Variants in NUP155 observed in about 807,000 individuals in gnomAD.
The protein encoded by NUP155 is nucleoporin 155.
A neutral mutation model predicts 180.4 loss-of-function variants in NUP155; 71 were observed. The ratio of observed to expected loss-of-function variants is 0.39; its 90% confidence interval spans 0.33 to 0.48. The LOEUF (loss-of-function observed/expected upper bound fraction) is 0.48, where lower values mean the gene tolerates loss of function less well. NUP155 is among the 20% of genes least tolerant of loss of function. The probability of loss-of-function intolerance (pLI) is 0.91; values close to 1 mark genes in which losing one functional copy is unlikely to be tolerated. For synonymous variants in NUP155, 582 were observed against 559.5 expected, an observed-to-expected ratio of 1.04 and a Z score of -0.57; for missense variants, 1,553 against 1,648.9, an observed-to-expected ratio of 0.94 and a Z score of 1.01.
chr5:37,348,352 C>G (rs889676881), intron 9 of NUP155, among the ~76,000 whole-genome samples, 153 bp downstream of exon 9: 5 of 152,052 alleles, frequency 3.3e-5, no homozygotes, highest in African/African-American at 1.2e-4. Flanking sequence ...CTAACAGCTC[C>G]ATTTCAAACA....
intron 20 of NUP155, among the ~76,000 whole-genome samples, chr5:37,322,248 A>G (rs1315997829): frequency 6.6e-6 from 1 of 152,092 alleles, no homozygotes; most frequent in Non-Finnish European, 1.5e-5. Context: ...TGGCTTTCCA[A>G]AGTGTTGGGA....
chr5:37,327,046 T>G (rs1744643056), intron 18 of NUP155: 1 of 153,400 alleles, frequency 6.5e-6, no homozygotes, highest in Admixed American at 6.6e-5. Flanking sequence ...AGTAAATATA[T>G]TTTCTCTTCC....
rs780476180 is a variant in NUP155, at chr5:37,310,577, C to G, written c.2603G>C (p.Ser868Thr). 24 of 1,613,112 alleles carry G rather than the reference C, an allele frequency of 1.5e-5. No homozygotes were observed. The South Asian group carries it at 2.5e-4, about 17-fold the overall frequency. The change falls in exon 23 of 35, where the codon AGC (serine) becomes ACC (threonine). Residue 868 changes from serine to threonine, a missense_variant. By Grantham distance (58) the Ser-to-Thr change is moderately conservative. Transcript: ENST00000231498. The stretch of plus-strand genomic sequence containing the variant: ...CTTAGAACAAATTGCATCATCAGTG[C>G]TATATAGAAGTGGGCAGATATCCTG... Reference protein sequence around the residue: ...HLQDICPLLYSTDDAICSKAN... With the variant: ...HLQDICPLLYTTDDAICSKAN...
At chr5:37,294,997 T>C (rs1194327801) in intron 32 of NUP155, among the ~76,000 whole-genome samples, 1 of 152,166 alleles carries the variant, frequency 6.6e-6, no homozygotes, top group Non-Finnish European at 1.5e-5. Flanking sequence ...AGGACTTCAC[T>C]GATAATTTTT....
Position 37,358,114 on chromosome 5 carries a change from T to A in NUP155, c.430A>T (p.Ile144Phe). ...GGCTTCACAAGCCCCACAGCAAGAATAGTCTCACTAAGTCCATCAAAATAG... is the reference window on the plus strand; with the variant it reads ...GGCTTCACAAGCCCCACAGCAAGAAAAGTCTCACTAAGTCCATCAAAATAG... ...LAYFDGLSET[I>F]LAVGLVKPKA... The change falls in exon 4 of 35, where the codon ATT (isoleucine) becomes TTT (phenylalanine). Residue 144 changes from isoleucine to phenylalanine, a missense_variant. Ile to Phe is a conservative substitution (Grantham distance 21, BLOSUM62 0). Transcript: ENST00000231498. 6.2e-7 allele frequency: 1 copy of A among 1,613,426 alleles called. No individual in the cohort carries two copies. The highest frequency in any genetic ancestry group is 8.5e-7 in the Non-Finnish European group (1 of 1,179,334).
chr5:37,341,512 C>T (rs1745720042), intron 10 of NUP155, among the ~76,000 whole-genome samples: 1 of 152,068 alleles, frequency 6.6e-6, no homozygotes, highest in African/African-American at 2.4e-5. Flanking sequence ...CAGGCATGTG[C>T]CACCACACCC....
intron 12 of NUP155, among the ~76,000 whole-genome samples, chr5:37,334,498 A>T (rs1745190073): frequency 6.6e-6 from 1 of 151,770 alleles, no homozygotes; most frequent in Non-Finnish European, 1.5e-5. Context: ...CTCCTGCCTC[A>T]GCCTTCCGAG....
At chr5:37,331,198 CACT>C (rs1379305932) in intron 14 of NUP155, among the ~76,000 whole-genome samples, 1 of 151,838 alleles carries the variant, frequency 6.6e-6, no homozygotes, top group African/African-American at 2.4e-5. Context: ...TCTGAAAGCT[CACT>C]ACAAGACTCA....
At chr5:37,309,024 A>G in intron 24 of NUP155, 105 bp downstream of exon 24, 1 of 1,193,864 alleles carries the variant, frequency 8.4e-7, no homozygotes, top group Non-Finnish European at 1.2e-6. Flanking sequence ...CTGAAAGAAG[A>G]TTTGCATCTG....
intron 9 of NUP155, among the ~76,000 whole-genome samples, chr5:37,346,514 A>T (rs774464502): frequency 2.6e-5 from 4 of 152,006 alleles, no homozygotes; most frequent in Admixed American, 6.6e-5. Flanking sequence ...TCTACTGAAA[A>T]TACAAAAATT....
At chr5:37,317,011 A>C (rs2150954353) in intron 21 of NUP155, among the ~76,000 whole-genome samples, 1 of 150,226 alleles carries the variant, frequency 6.7e-6, no homozygotes, top group South Asian at 2.1e-4. Flanking sequence ...AAAATACAAA[A>C]AAAAAAAATT....
At chr5:37,306,902 C>A (rs112500816) in intron 25 of NUP155, among the ~76,000 whole-genome samples, 8,314 of 151,968 alleles carry the variant, frequency 0.055, 728 homozygotes, top group African/African-American at 0.18. Flanking sequence ...GGGTGGTCGA[C>A]CTTTACACAA....
chr5:37,292,016 G>T lies in NUP155; in HGVS notation c.4060C>A (p.Leu1354Met), dbSNP rs35260031. 2 of 1,613,936 alleles carry T rather than the reference G, an allele frequency of 1.2e-6. No individual in the cohort carries two copies. The highest frequency in any genetic ancestry group is 3.3e-5 in the Admixed American group (2 of 59,988). ...CERRRFTNLC[L>M]DAVCGYLVEL... ...ACAAGGTAACCACAAACAGCATCCA[G>T]GCAGAGATTTGTAAATCTTCTCCTA... is the stretch of plus-strand genomic sequence containing the variant. The change falls in exon 35 of 35, where the codon CTG becomes ATG. Residue 1354 changes from leucine to methionine, a missense_variant. By Grantham distance (15) the Leu-to-Met change is conservative (BLOSUM62 2). Coordinates refer to ENST00000231498, the MANE Select transcript of NUP155 (RefSeq NM_153485.3).
chr5:37,335,979 T>A (rs867576211), intron 12 of NUP155, among the ~76,000 whole-genome samples: 1 of 151,808 alleles, frequency 6.6e-6, no homozygotes, highest in African/African-American at 2.4e-5. Context: ...AAAAAAGTTA[T>A]CAATTCCCTA....
Position 37,291,548 on chromosome 5 carries a change from G to A in NUP155, c.*352C>T. The A allele has an allele frequency of 4.7e-6, 1 of 213,088 alleles. No individual in the cohort carries two copies. The highest frequency in any genetic ancestry group is 5.5e-5 in the Admixed American group (1 of 18,034). The allele number at this position is 213,088 out of a possible 1,614,324, so 13.2% of individuals were successfully genotyped here. A position where few individuals can be genotyped will look rare whatever the true frequency, so the allele number is the denominator to read the frequency against. ...GTAAGTCACTGTGCCTGGCCGCCTA[G>A]TGGAGTTTTAATGCCAATATCCTTG... On this transcript the variant is annotated 3_prime_UTR_variant, in exon 35 of 35. Transcript: ENST00000231498.
intron 19 of NUP155, among the ~76,000 whole-genome samples, chr5:37,325,218 T>C (rs1335768700): frequency 6.6e-6 from 1 of 152,088 alleles, no homozygotes; most frequent in Non-Finnish European, 1.5e-5. Flanking sequence ...TAGAAATTAG[T>C]GCTGGGTCCA....
intron 20 of NUP155, among the ~76,000 whole-genome samples, chr5:37,321,218 G>A (rs1021352998): frequency 2.6e-5 from 4 of 151,964 alleles, no homozygotes; most frequent in Non-Finnish European, 5.9e-5. Context: ...TGGTGGTGTG[G>A]GGCTGTAGTC....
intron 34 of NUP155, among the ~76,000 whole-genome samples, chr5:37,292,492 G>C (rs1392375730): frequency 6.6e-6 from 1 of 152,128 alleles, no homozygotes; most frequent in Non-Finnish European, 1.5e-5. Context: ...TGGGATTACA[G>C]GTGTGAGCCA....
Position 37,364,249 on chromosome 5 carries a change from C to T in NUP155, c.293G>A (p.Gly98Glu). Residue 98 changes from glycine (G) to glutamate (E), a missense_variant and splice_region_variant, in exon 2 of 35, where the codon GGA becomes GAA. By Grantham distance (98) the Gly-to-Glu change is moderately conservative. Coordinates refer to ENST00000231498, the MANE Select transcript of NUP155 (RefSeq NM_153485.3). The stretch of plus-strand genomic sequence containing the variant: ...ATAAATACAAAGTAATAGGATACGT[C>T]CAAACTGCTCAACAAGTTCAGGTGG... ...PLPPELVEQF[G>E]HMQCNCMMGV... is the part of the protein sequence containing the mutation. The T allele has an allele frequency of 6.2e-7, 1 of 1,610,746 alleles. No homozygotes were observed. Among genetic ancestry groups the T allele is most frequent in the Non-Finnish European group, 8.5e-7 (1 of 1,176,980 alleles).
Sources: allele counts gnomAD v4.1 joint callset (sites outside exome capture counted in the v4.1 genomes callset), GRCh38; gene constraint gnomAD v4.1.1; transcripts MANE v1.5; gene names NCBI Gene and HGNC (gene_info 2026-07-23, HGNC 2026-07-21).